The following CALN1 variants were observed in gnomAD, a reference collection of about 807,000 sequenced individuals.
CALN1 encodes the protein calcium-binding protein 8.
Under a neutral mutation model 30.6 loss-of-function variants are expected in CALN1, and 17 were observed. The ratio of observed to expected loss-of-function variants is 0.56; its 90% CI spans 0.38 to 0.83. The LOEUF (loss-of-function observed/expected upper bound fraction) is 0.83, where lower values mean the gene tolerates loss of function less well. Ranked by LOEUF, CALN1 falls within the 40% of genes least tolerant of loss-of-function variation. The pLI, the probability that CALN1 is intolerant of heterozygous loss-of-function variation, is 0.00. For synonymous variants in CALN1, 156 were observed against 131.4 expected, an observed-to-expected ratio of 1.19 and a Z score of -1.28; for missense variants, 291 against 354.9, an observed-to-expected ratio of 0.82 and a Z score of 1.45.
chr7:72,044,599 C>CT (rs549079139), intron 4 of CALN1, among the ~76,000 whole-genome samples: 4,576 of 96,484 alleles, frequency 0.047, 437 homozygotes, highest in East Asian at 0.084. Context: ...CCGCTTAAAA[C>CT]TTTTTTTTTT....
chr7:72,110,039 G>A (rs544413284), intron 3 of CALN1, among the ~76,000 whole-genome samples: 22 of 152,158 alleles, frequency 1.4e-4, no homozygotes, highest in East Asian at 3.8e-4. Context: ...TTAGTTCTCC[G>A]GAAGGCTCCT....
At chr7:72,405,402 A>C (rs558557901) in intron 1 of CALN1, among the ~76,000 whole-genome samples, 50 of 152,282 alleles carry the variant, frequency 3.3e-4, no homozygotes, top group Admixed American at 7.8e-4. Context: ...AGGTCTCAGG[A>C]AACTTAACAA....
chr7:72,168,615 T>TA (rs1404800470), intron 3 of CALN1, among the ~76,000 whole-genome samples: 2 of 152,086 alleles, frequency 1.3e-5, no homozygotes, highest in African/African-American at 2.4e-5. Context: ...AGACTGTAAC[T>TA]AAAAAAGTAA....
chr7:71,798,591 C>A lies in CALN1; in HGVS notation c.659-10689G>T, dbSNP rs1279079827. Reference sequence around the variant, plus strand: ...AAAGTGTTTGGATTACAGGTGTGAGCCACCACGCCTGGCTGGTAAGAGTCT... The same window carrying A: ...AAAGTGTTTGGATTACAGGTGTGAGACACCACGCCTGGCTGGTAAGAGTCT... On this transcript the variant is annotated intron_variant, in intron 6 of 6. Coordinates refer to ENST00000395275, the MANE Select transcript of CALN1 (RefSeq NM_031468.4). Among the ~76,000 whole-genome samples the A allele has an allele frequency of 2.0e-5, 3 of 151,508 alleles. No individual in the cohort carries two copies. The East Asian group carries it at 5.8e-4, about 29-fold the overall frequency.
At chr7:71,924,823 T>C (rs1484351280) in intron 5 of CALN1, among the ~76,000 whole-genome samples, 1 of 152,226 alleles carries the variant, frequency 6.6e-6, no homozygotes, top group African/African-American at 2.4e-5. Context: ...CTTTGACATG[T>C]GCTACAAATA....
chr7:72,451,129 T>C (rs1294385837), upstream of CALN1, among the ~76,000 whole-genome samples: 2 of 123,664 alleles, frequency 1.6e-5, no homozygotes, highest in South Asian at 5.2e-4. Context: ...GAAGAAGAGA[T>C]AGAGAAGAAG....
At chr7:72,122,252 C>T (rs114134256) in intron 3 of CALN1, among the ~76,000 whole-genome samples, 3,976 of 152,150 alleles carry the variant, frequency 0.026, 185 homozygotes, top group African/African-American at 0.091. Context: ...CGTTAATATA[C>T]GGAGATTAGA....
chr7:72,323,431 C>T (rs899825513), intron 2 of CALN1, among the ~76,000 whole-genome samples: 5 of 152,052 alleles, frequency 3.3e-5, no homozygotes, highest in African/African-American at 1.2e-4. Context: ...GCCTGCTCCA[C>T]GGGCGATTGC....
intron 3 of CALN1, among the ~76,000 whole-genome samples, chr7:72,238,853 A>C (rs185221267): frequency 9.2e-5 from 14 of 152,174 alleles, no homozygotes; most frequent in Non-Finnish European, 1.8e-4. Flanking sequence ...GTATGTCTTT[A>C]TTAGCAGCAT....
At chr7:72,380,311 A>G (rs1439658492) in intron 2 of CALN1, among the ~76,000 whole-genome samples, 2 of 152,198 alleles carry the variant, frequency 1.3e-5, no homozygotes, top group Admixed American at 6.5e-5. Context: ...CATTGTCCCA[A>G]TTCTCAAAGA....
At chr7:72,375,242 C>G (rs776853531) in intron 2 of CALN1, among the ~76,000 whole-genome samples, 8 of 152,112 alleles carry the variant, frequency 5.3e-5, no homozygotes, top group Admixed American at 3.9e-4. Flanking sequence ...TCAGTGAGCT[C>G]TATTCTCATC....
intron 3 of CALN1, among the ~76,000 whole-genome samples, chr7:72,218,261 A>T (rs1424085301): frequency 1.3e-5 from 2 of 151,712 alleles, no homozygotes; most frequent in Non-Finnish European, 2.9e-5. Context: ...ATCCTGGCTA[A>T]CATGGTGAAA....
At chr7:71,813,560 C>T (rs1373775195) in intron 5 of CALN1, among the ~76,000 whole-genome samples, 2 of 152,128 alleles carry the variant, frequency 1.3e-5, no homozygotes, top group Admixed American at 6.5e-5. Flanking sequence ...AAAAACATAA[C>T]TAAGTCCTTG....
At chr7:72,195,246 C>A (rs1790904664) in intron 3 of CALN1, among the ~76,000 whole-genome samples, 2 of 152,202 alleles carry the variant, frequency 1.3e-5, no homozygotes, top group Admixed American at 6.5e-5. Flanking sequence ...TTTGATGTCC[C>A]TGCCAGATAG....
intron 3 of CALN1, among the ~76,000 whole-genome samples, chr7:72,205,559 T>TATATATATATATATATACAC (rs1791790362): frequency 1.3e-5 from 1 of 77,572 alleles, no homozygotes; most frequent in African/African-American, 6.3e-5. Flanking sequence ...AAAATATATA[T>TATATATATATATATATACAC]ATATATATGT....
chr7:72,104,778 G>A (rs542932639), intron 4 of CALN1, among the ~76,000 whole-genome samples: 15 of 152,146 alleles, frequency 9.9e-5, no homozygotes, highest in East Asian at 3.9e-4. Flanking sequence ...CCAACATGGC[G>A]AAACTCCGTC....
intron 3 of CALN1, among the ~76,000 whole-genome samples, chr7:72,254,139 C>G (rs1055737303): frequency 6.6e-6 from 1 of 152,072 alleles, no homozygotes; most frequent in African/African-American, 2.4e-5. Flanking sequence ...CAAACTAGAC[C>G]AACTACTGCA....
At chr7:72,349,593 A>G (rs1802819941) in intron 2 of CALN1, among the ~76,000 whole-genome samples, 1 of 152,236 alleles carries the variant, frequency 6.6e-6, no homozygotes, top group Non-Finnish European at 1.5e-5. Context: ...ACAAGCCAAA[A>G]GACAATGGAA....
chr7:71,994,107 A>T (rs1266829989), intron 5 of CALN1, among the ~76,000 whole-genome samples: 1 of 152,204 alleles, frequency 6.6e-6, no homozygotes, highest in Non-Finnish European at 1.5e-5. Flanking sequence ...AAAAATTTTT[A>T]AGAAATGTTT....
Sources: gnomAD v4.1 joint callset for allele counts (sites outside exome capture counted in the v4.1 genomes callset) on GRCh38, gnomAD v4.1.1 for gene constraint, MANE v1.5 for transcripts, NCBI Gene and HGNC (gene_info 2026-07-23, HGNC 2026-07-21) for gene names.